TM2D1: variants seen among roughly 807,000 people sequenced by gnomAD.
The protein encoded by TM2D1 is TM2 domain containing 1.
Under a neutral mutation model 28.4 loss-of-function variants are expected in TM2D1, and 15 were observed. That is an observed-to-expected ratio of 0.53 (90% CI 0.35 to 0.81). The LOEUF (loss-of-function observed/expected upper bound fraction) is 0.81, where lower values mean the gene tolerates loss of function less well. TM2D1 is among the 40% of genes least tolerant of loss of function. TM2D1 has a pLI of 0.01. For synonymous variants in TM2D1, 93 were observed against 96.2 expected (o/e 0.97, Z 0.20); for missense variants, 236 against 254.9 (o/e 0.93, Z 0.50).
At chr1:61,691,576 T>G (rs1644325019) in intron 5 of TM2D1, among the ~76,000 whole-genome samples, 1 of 151,476 alleles carries the variant, frequency 6.6e-6, no homozygotes, top group Non-Finnish European at 1.5e-5. Flanking sequence ...CTCATTTTTC[T>G]GATAAAAAAC....
chr1:61,685,013 G>A (rs964970498), intron 5 of TM2D1, among the ~76,000 whole-genome samples: 3 of 152,148 alleles, frequency 2.0e-5, no homozygotes, highest in Non-Finnish European at 1.5e-5. Context: ...CAAACTCCTA[G>A]TACTAGGATG....
At chr1:61,683,601 CTTTG>C (rs781138548) in intron 5 of TM2D1, 55 bp from the exon 6 acceptor site, 8 of 858,674 alleles carry the variant, frequency 9.3e-6, no homozygotes, top group South Asian at 3.7e-5. Context: ...TTTCACAGCA[CTTTG>C]TTTACTTTTC....
In TM2D1 at chr1:61,703,913, C is replaced by T. The variant is rs1054453792; in HGVS notation, c.348-2888G>A. On this transcript the variant is annotated intron_variant, in intron 3 of 6. Coordinates refer to ENST00000606498, the MANE Select transcript of TM2D1 (RefSeq NM_032027.3). ...CTGGGATTACAGGCACCCACCACCA[C>T]ACCCGGCTAATTTTTGTATTTTTAG... Among the ~76,000 whole-genome samples the T allele has an allele frequency of 6.6e-5, 10 of 151,702 alleles. No individual in the cohort carries two copies. The South Asian group carries it at 1.3e-3, about 19-fold the overall frequency.
intron 6 of TM2D1, among the ~76,000 whole-genome samples, chr1:61,682,478 A>G (rs750285892): frequency 2.5e-4 from 38 of 152,354 alleles, no homozygotes; most frequent in Non-Finnish European, 4.3e-4. Context: ...TTGGAAGATT[A>G]TTAGAATAGA....
intron 5 of TM2D1, 153 bp downstream of exon 5, chr1:61,694,544 G>A: frequency 2.1e-6 from 1 of 469,756 alleles, no homozygotes; most frequent in South Asian, 5.4e-5. Flanking sequence ...TTGGAAACAT[G>A]ACCAGGATTC....
chr1:61,709,467 AT>A (rs571139088), intron 2 of TM2D1, 30 bp from the exon 3 acceptor site: 481 of 1,358,706 alleles, frequency 3.5e-4, no homozygotes, highest in South Asian at 4.0e-4. Context: ...AGAAACTGTT[AT>A]TTTTTTTTTC....
At chr1:61,701,059 C>A in intron 3 of TM2D1, 34 bp from the exon 4 acceptor site, 2 of 1,501,156 alleles carry the variant, frequency 1.3e-6, no homozygotes, top group Non-Finnish European at 1.8e-6. Context: ...ATCATATTTC[C>A]AATGTGAACA....
rs749483698 is a variant in TM2D1 at position 61,703,294 on chromosome 1, AAT to A, written c.348-2271_348-2270del. Among the ~76,000 whole-genome samples the A allele has an allele frequency of 7.1e-4, 105 of 147,528 alleles. 1 individual carries two copies. Among genetic ancestry groups the A allele is most frequent in the African/African-American group, 2.1e-3 (87 of 40,486 alleles). On this transcript the variant is annotated intron_variant, in intron 3 of 6. Transcript: ENST00000606498. ...TTTATATATTATATATGAAGATGGT[AAT>A]ATGTTTTACATTAAATATTATTATA...
At chr1:61,707,461 T>A (rs995794176) in intron 3 of TM2D1, among the ~76,000 whole-genome samples, 1 of 152,226 alleles carries the variant, frequency 6.6e-6, no homozygotes, top group Admixed American at 6.5e-5. Context: ...ATTTTCTTAC[T>A]GTAACCTATA....
chr1:61,683,015 T>C (rs1570089674), intron 6 of TM2D1, among the ~76,000 whole-genome samples: 1 of 152,092 alleles, frequency 6.6e-6, no homozygotes, highest in African/African-American at 2.4e-5. Context: ...ACTCTTTCAG[T>C]ATCTATTTTC....
chr1:61,712,564 C>A (rs986635443), intron 2 of TM2D1, among the ~76,000 whole-genome samples: 1 of 152,062 alleles, frequency 6.6e-6, no homozygotes. Flanking sequence ...GCACCTGCTA[C>A]CATGTCCAAT....
At chr1:61,717,564 T>G (rs537041902) in intron 2 of TM2D1, among the ~76,000 whole-genome samples, 3 of 102,656 alleles carry the variant, frequency 2.9e-5, no homozygotes, top group Admixed American at 2.7e-4. Flanking sequence ...AACAGTGTGG[T>G]TTTTTTTGTT....
intron 2 of TM2D1, among the ~76,000 whole-genome samples, chr1:61,714,805 T>C (rs1446696956): frequency 6.6e-6 from 1 of 152,084 alleles, no homozygotes; most frequent in East Asian, 1.9e-4. Context: ...ATCCACCCAT[T>C]TCGGCCTCCC....
In TM2D1 at chr1:61,725,074, G is replaced by A; in HGVS notation, c.47C>T (p.Thr16Met). Residue 16 changes from threonine (T) to methionine (M), a missense_variant, in exon 1 of 7, where the codon ACG (threonine) becomes ATG (methionine). Around this residue, in one of 3 missense-constraint regions of TM2D1, gnomAD observed 167 missense variants for 162.7 expected, o/e 1.03. Coordinates refer to ENST00000606498, the MANE Select transcript of TM2D1 (RefSeq NM_032027.3). Reference protein sequence around the residue: ...PSGPSAPEAVTARLVGVLWFV... With the variant: ...PSGPSAPEAVMARLVGVLWFV... ...CCACAGGACACCAACGAGTCTGGCC[G>A]TCACGGCCTCCGGAGCAGACGGACC... The A allele has an allele frequency of 6.2e-7, 1 of 1,613,912 alleles. No homozygotes were observed. The highest frequency in any genetic ancestry group is 1.1e-5 in the South Asian group (1 of 91,090).
chr1:61,695,215 AAAAAAC>A (rs1294594004), intron 4 of TM2D1, among the ~76,000 whole-genome samples: 1 of 152,008 alleles, frequency 6.6e-6, no homozygotes, highest in Non-Finnish European at 1.5e-5. Flanking sequence ...AAAAATCAGG[AAAAAAC>A]ACTGCTCTTG....
rs1190559076 is a variant in TM2D1, at chr1:61,711,292, T to C, written c.239-1855A>G. Among the ~76,000 whole-genome samples the C allele has an allele frequency of 2.7e-5, 4 of 148,534 alleles. No homozygotes were observed. In the East Asian group the frequency reaches 7.9e-4, roughly 29 times the overall value. On this transcript the variant is annotated intron_variant, in intron 2 of 6. Coordinates refer to ENST00000606498, the MANE Select transcript of TM2D1 (RefSeq NM_032027.3). ...TTGCAGTGAGCCGAGATCGCACCATTGCATTCCAGCCTGGGTGAAAGAGTG... is the reference window on the plus strand; with the variant it reads ...TTGCAGTGAGCCGAGATCGCACCATCGCATTCCAGCCTGGGTGAAAGAGTG...
intron 3 of TM2D1, among the ~76,000 whole-genome samples, chr1:61,703,884 G>A (rs1644422538): frequency 6.6e-6 from 1 of 151,118 alleles, no homozygotes; most frequent in South Asian, 2.1e-4. Context: ...AGCTTCCTGA[G>A]TAGCTGGGAT....
rs1438028814 is a variant in TM2D1, at chr1:61,681,215, A to G, written c.*155T>C. The G allele has an allele frequency of 3.3e-5, 5 of 152,862 alleles. No homozygotes were observed. In the East Asian group the frequency reaches 9.6e-4, roughly 29 times the overall value. 9.5% of individuals were successfully genotyped at this position (152,862 alleles called of 1,614,324 possible). A position where few individuals can be genotyped will look rare whatever the true frequency, so the allele number is the denominator to read the frequency against. ...GAAGTCCTATTAAATAAATCTCACA[A>G]TAATATACTTTAACTCAACAAAACA... On this transcript the variant is annotated 3_prime_UTR_variant, in exon 7 of 7. Coordinates refer to ENST00000606498, the MANE Select transcript of TM2D1 (RefSeq NM_032027.3).
intron 4 of TM2D1, among the ~76,000 whole-genome samples, chr1:61,697,304 CTTTCT>C (rs997923823): frequency 1.3e-5 from 2 of 151,562 alleles, no homozygotes; most frequent in African/African-American, 4.8e-5. Context: ...CCAGGAGTTT[CTTTCT>C]TTTCTTTTTT....
Sources: allele counts gnomAD v4.1 joint callset (sites outside exome capture counted in the v4.1 genomes callset), GRCh38; gene constraint gnomAD v4.1.1; regional missense constraint gnomAD v4.1.1; transcripts MANE v1.5; gene names NCBI Gene and HGNC (gene_info 2026-07-23, HGNC 2026-07-21).